The following NELL1 variants were observed in gnomAD, a reference collection of about 807,000 sequenced individuals.
The protein encoded by NELL1 is neural EGFL like 1, also known as protein kinase C-binding protein NELL1.
NELL1 carries 76 observed loss-of-function variants against 107.4 expected under a neutral mutation model. That is an observed-to-expected ratio of 0.71 (90% CI 0.59 to 0.86). NELL1 has a LOEUF of 0.86. Ranked by LOEUF, NELL1 falls within the 40% of genes least tolerant of loss-of-function variation. NELL1 has a pLI of 0.00. For synonymous variants in NELL1, 353 were observed against 341.2 expected (o/e 1.03, Z -0.38); for missense variants, 1,024 against 1,005.5 (o/e 1.02, Z -0.25).
intron 4 of NELL1, among the ~76,000 whole-genome samples, chr11:20,872,171 ATTT>A (rs549212186): frequency 1.3e-4 from 13 of 103,950 alleles, no homozygotes; most frequent in Non-Finnish European, 2.0e-5. Context: ...TCTATCAGAG[ATTT>A]TTTTTTTTTT....
At chr11:20,782,007 C>T (rs1856860373) in intron 2 of NELL1, among the ~76,000 whole-genome samples, 1 of 150,366 alleles carries the variant, frequency 6.7e-6, no homozygotes, top group African/African-American at 2.4e-5. Flanking sequence ...TGCCACTGCA[C>T]TTCAACCTGG....
intron 4 of NELL1, among the ~76,000 whole-genome samples, chr11:20,883,499 C>G (rs944873732): frequency 6.6e-6 from 1 of 152,118 alleles, no homozygotes; most frequent in Non-Finnish European, 1.5e-5. Flanking sequence ...GTGACAGAGG[C>G]AAAGTTGTTA....
chr11:20,669,772 A>G lies in NELL1; in HGVS notation c.49A>G (p.Arg17Gly), dbSNP rs768562061. The G allele has an allele frequency of 1.9e-6, 3 of 1,613,422 alleles. No homozygotes were observed. The highest frequency in any genetic ancestry group is 1.1e-5 in the South Asian group (1 of 91,056). Residue 17 changes from arginine (R) to glycine (G), a missense_variant, in exon 1 of 20, where the codon AGG (arginine) becomes GGG (glycine). Arg to Gly is a moderately radical substitution (Grantham distance 125). Transcript: ENST00000357134. The surrounding 1 kb of genome is among the most constrained non-coding windows in gnomAD (Gnocchi z 4.4). Reference protein sequence around the residue: ...LVVWFCVCTARTVVGFGMDPD... With the variant: ...LVVWFCVCTAGTVVGFGMDPD... ...TGTGTGGTTCTGTGTGTGCACTGCC[A>G]GGACAGGTAAGCATGACTGTGGCGG... is the stretch of plus-strand genomic sequence containing the variant.
chr11:21,201,065 G>C (rs918139088), intron 13 of NELL1, among the ~76,000 whole-genome samples: 5 of 152,174 alleles, frequency 3.3e-5, no homozygotes, highest in African/African-American at 1.2e-4. Context: ...CAGGTAGCGT[G>C]ATGCTTCCAG....
chr11:21,216,299 G>T (rs1013407183), intron 13 of NELL1, among the ~76,000 whole-genome samples: 3 of 152,206 alleles, frequency 2.0e-5, no homozygotes, highest in Non-Finnish European at 4.4e-5. Flanking sequence ...GCCTCATGGA[G>T]AATCTCTGCT....
intron 3 of NELL1, among the ~76,000 whole-genome samples, chr11:20,790,712 C>T (rs1857056758): frequency 6.6e-6 from 1 of 152,200 alleles, no homozygotes; most frequent in African/African-American, 2.4e-5. Context: ...CTGCTCCTGC[C>T]TGCTCTACGG....
chr11:21,113,066 A>G lies in NELL1; in HGVS notation c.1301-523A>G, dbSNP rs1423396809. Among the ~76,000 whole-genome samples the G allele has an allele frequency of 5.9e-5, 9 of 152,090 alleles. No homozygotes were observed. The East Asian group carries it at 1.7e-3, about 30-fold the overall frequency. The stretch of plus-strand genomic sequence containing the variant: ...CCAGGTCAAAGGATGAGAGACATTA[A>G]TTTGCATCAGGCAACAGCAGTTGTC... On this transcript the variant is annotated intron_variant, in intron 12 of 19. Transcript: ENST00000357134.
rs578120044 is a variant in NELL1 at position 21,132,027 on chromosome 11, C to T, written c.1426+18313C>T. 1.2e-4 allele frequency among the ~76,000 whole-genome samples: 19 copies of T among 152,260 alleles called. No individual in the cohort carries two copies. In the South Asian group the frequency reaches 3.1e-3, roughly 25 times the overall value. ...TTCTTGTCATGCTGAGTTTCATACACGCTTTTGAACACTTGTTGGCAAATA... is the reference window on the plus strand; with the variant it reads ...TTCTTGTCATGCTGAGTTTCATACATGCTTTTGAACACTTGTTGGCAAATA... On this transcript the variant is annotated intron_variant, in intron 13 of 19. Transcript: ENST00000357134.
chr11:20,737,212 C>G (rs956236410), intron 2 of NELL1, among the ~76,000 whole-genome samples: 10 of 152,000 alleles, frequency 6.6e-5, no homozygotes, highest in Non-Finnish European at 1.2e-4. Context: ...TGAATCCTGC[C>G]CCCCAGTTTG....
intron 2 of NELL1, among the ~76,000 whole-genome samples, chr11:20,718,641 A>G (rs1016445985): frequency 6.6e-5 from 10 of 152,076 alleles, no homozygotes; most frequent in African/African-American, 9.7e-5. Context: ...AAGGTAAGCT[A>G]TGAGCTCCTG....
chr11:20,992,942 T>C (rs1431784581), intron 12 of NELL1, among the ~76,000 whole-genome samples: 3 of 152,008 alleles, frequency 2.0e-5, no homozygotes, highest in Non-Finnish European at 2.9e-5. Flanking sequence ...CTCAATCTCT[T>C]GACCTCGTGA....
At chr11:21,136,257 G>GGGTTTT (rs200568961) in intron 13 of NELL1, among the ~76,000 whole-genome samples, 1 of 152,142 alleles carries the variant, frequency 6.6e-6, no homozygotes, top group African/African-American at 2.4e-5. Flanking sequence ...GTATGTGTGA[G>GGGTTTT]GAAAAGACAG....
intron 13 of NELL1, among the ~76,000 whole-genome samples, chr11:21,221,401 AAGTT>A (rs1857753118): frequency 6.6e-6 from 1 of 152,156 alleles, no homozygotes; most frequent in Admixed American, 6.5e-5. Context: ...CTTGTACAAT[AAGTT>A]AGGAAGAATT....
intron 12 of NELL1, among the ~76,000 whole-genome samples, chr11:21,076,225 A>G (rs552134873): frequency 1.5e-4 from 23 of 152,336 alleles, no homozygotes; most frequent in African/African-American, 5.3e-4. Flanking sequence ...TCAACCAGAA[A>G]TGGGGCTGAC....
intron 12 of NELL1, among the ~76,000 whole-genome samples, chr11:20,964,506 G>A (rs897558199): frequency 6.6e-6 from 1 of 152,160 alleles, no homozygotes; most frequent in African/African-American, 2.4e-5. Flanking sequence ...ACGTTACAAT[G>A]AATCTTTGAG....
At chr11:21,225,657 A>G (rs1857875430) in intron 13 of NELL1, among the ~76,000 whole-genome samples, 2 of 152,126 alleles carry the variant, frequency 1.3e-5, no homozygotes, top group Admixed American at 6.5e-5. Context: ...TCATCTTGAT[A>G]ACATCTGTCT....
intron 2 of NELL1, among the ~76,000 whole-genome samples, chr11:20,695,221 G>T (rs1207493929): frequency 6.6e-6 from 1 of 152,080 alleles, no homozygotes; most frequent in South Asian, 2.1e-4. Flanking sequence ...TCTAGGTAGA[G>T]AATCATATCA....
At chr11:21,375,409 T>C (rs978826223) in intron 15 of NELL1, among the ~76,000 whole-genome samples, 1 of 152,148 alleles carries the variant, frequency 6.6e-6, no homozygotes, top group East Asian at 1.9e-4. Flanking sequence ...TGTTTAGTAT[T>C]CCATGGTGTA....
intron 14 of NELL1, among the ~76,000 whole-genome samples, chr11:21,270,538 A>C (rs1848718956): frequency 6.6e-6 from 1 of 152,112 alleles, no homozygotes; most frequent in African/African-American, 2.4e-5. Flanking sequence ...ATGAGTAAAA[A>C]CTGACCAAAC....
Sources: allele counts gnomAD v4.1 joint callset (sites outside exome capture counted in the v4.1 genomes callset), GRCh38; gene constraint gnomAD v4.1.1; non-coding constraint Gnocchi (gnomAD v3.1); transcripts MANE v1.5; gene names NCBI Gene and HGNC (gene_info 2026-07-23, HGNC 2026-07-21).